TGM1: variants seen among roughly 807,000 people sequenced by gnomAD.
TGM1 encodes protein-glutamine gamma-glutamyltransferase K.
TGM1 carries 63 observed loss-of-function variants against 88.7 expected under a neutral mutation model. That is an observed-to-expected ratio of 0.71 (90% CI 0.58 to 0.88). The LOEUF is 0.88. Ranked by LOEUF, TGM1 falls within the 40% of genes least tolerant of loss-of-function variation. The pLI, the probability that TGM1 is intolerant of heterozygous loss-of-function variation, is 0.00. For synonymous variants in TGM1, 415 were observed against 431.1 expected, an observed-to-expected ratio of 0.96 and a Z score of 0.46; for missense variants, 996 against 1,118.0, an observed-to-expected ratio of 0.89 and a Z score of 1.56.
At chr14:24,254,939 T>A in intron 12 of TGM1, 33 bp downstream of exon 12, 2 of 1,613,292 alleles carry the variant, frequency 1.2e-6, no homozygotes, top group Non-Finnish European at 1.7e-6. Flanking sequence ...TGCCCAGCCA[T>A]CCAGGGGGCA....
At position 24,258,808 on chromosome 14, in the gene TGM1, G is replaced by A. The variant is rs796433078; in HGVS notation, c.1160-135C>T. 29 of 1,351,828 alleles carry A rather than the reference G, an allele frequency of 2.1e-5. No homozygotes were observed. The African/African-American group carries it at 2.9e-4, about 13-fold the overall frequency. 83.7% of individuals were successfully genotyped at this position (1,351,828 alleles called of 1,614,324 possible). A position where few individuals can be genotyped will look rare whatever the true frequency, so the allele number is the denominator to read the frequency against. ...GACTGCCAGGGTCAGGGCCACGGGG[G>A]CCACAAGGCCTTTGGGCTACAGAGC... On this transcript the variant is annotated intron_variant, in intron 7 of 14. Coordinates refer to ENST00000206765, the MANE Select transcript of TGM1 (RefSeq NM_000359.3).
At chr14:24,254,320 A>T (rs1016437253) in intron 13 of TGM1, 32 bp from the exon 14 acceptor site, 8 of 1,613,748 alleles carry the variant, frequency 5.0e-6, no homozygotes, top group Non-Finnish European at 5.9e-6. Context: ...CCCCCACGTC[A>T]GAGACCCTGG....
intron 13 of TGM1, 106 bp from the exon 14 acceptor site, chr14:24,254,394 C>G: frequency 1.3e-6 from 2 of 1,530,072 alleles, no homozygotes; most frequent in East Asian, 2.3e-5. Flanking sequence ...AAAACCTCCC[C>G]GAGTCCCACA....
chr14:24,254,549 T>A (rs1446187214), intron 13 of TGM1, 115 bp downstream of exon 13: 2 of 1,533,400 alleles, frequency 1.3e-6, no homozygotes, highest in Admixed American at 1.8e-5. Context: ...CTTGACCTTC[T>A]CCTACAAAGG....
intron 7 of TGM1, 63 bp from the exon 8 acceptor site, chr14:24,258,736 G>T (rs1594570742): frequency 6.2e-7 from 1 of 1,602,322 alleles, no homozygotes; most frequent in South Asian, 1.1e-5. Context: ...CATCGTGTCA[G>T]GAGTATCAGG....
chr14:24,260,160 G>A (rs1358976857), intron 4 of TGM1, 102 bp from the exon 5 acceptor site: 2 of 1,136,312 alleles, frequency 1.8e-6, no homozygotes, highest in African/African-American at 3.0e-5. Context: ...AGAAGAAAAT[G>A]CGGGGATGCC....
Position 24,254,961 on chromosome 14 carries a change from G to A in TGM1, c.1927+11C>T. 6.2e-7 allele frequency: 1 copy of A among 1,613,596 alleles called. No homozygotes were observed. Among genetic ancestry groups the A allele is most frequent in the Non-Finnish European group, 8.5e-7 (1 of 1,179,996 alleles). On this transcript the variant is annotated intron_variant, in intron 12 of 14. Transcript: ENST00000206765. The stretch of plus-strand genomic sequence containing the variant: ...CCATCCAGGGGGCAGGGCTGGGTAA[G>A]GAGCACTTACAGGCCCCTGGTGCCA...
intron 1 of TGM1, among the ~76,000 whole-genome samples, 160 bp from the exon 2 acceptor site, chr14:24,262,514 G>C (rs2040823163): frequency 6.6e-6 from 1 of 152,236 alleles, no homozygotes; most frequent in Non-Finnish European, 1.5e-5. Context: ...CTTCCGCGAA[G>C]ACCATTCAGA....
intron 9 of TGM1, 57 bp from the exon 10 acceptor site, chr14:24,256,134 A>G: frequency 7.0e-7 from 1 of 1,433,492 alleles, no homozygotes; most frequent in Non-Finnish European, 9.6e-7. Flanking sequence ...AGGGCTCTTC[A>G]GACCCTGGGT....
rs2040774560 is a variant in TGM1 at position 24,258,311 on chromosome 14, T to A, written c.1376A>T (p.Asp459Val). 1.2e-6 allele frequency: 2 copies of A among 1,613,630 alleles called. No homozygotes were observed. The part of the protein sequence containing the change: ...PSGFDGWQVV[D>V]ATPQETSSGI... Reference sequence around the variant, plus strand: ...ACTGCTAGTCTCTTGGGGTGTGGCATCCACCACCTGCCACCCATCAAAGCC... The same window carrying A: ...ACTGCTAGTCTCTTGGGGTGTGGCAACCACCACCTGCCACCCATCAAAGCC... Residue 459 changes from aspartate (D) to valine (V), a missense_variant, in exon 9 of 15, where the codon GAT (aspartate) becomes GTT (valine). Physicochemically the swap from Asp to Val is radical, Grantham distance 152. Transcript: ENST00000206765.
intron 9 of TGM1, 51 bp from the exon 10 acceptor site, chr14:24,256,128 C>A (rs541227059): frequency 1.1e-5 from 16 of 1,455,966 alleles, no homozygotes; most frequent in Non-Finnish European, 1.5e-5. Context: ...GCGGAGAGGG[C>A]TCTTCAGACC....
intron 3 of TGM1, 42 bp from the exon 4 acceptor site, chr14:24,260,740 A>T: frequency 6.2e-7 from 1 of 1,613,620 alleles, no homozygotes; most frequent in Non-Finnish European, 8.5e-7. Context: ...GGCCTCCCTG[A>T]GGAGAGGGGA....
chr14:24,258,115 T>C (rs1369999569), intron 9 of TGM1, among the ~76,000 whole-genome samples, 170 bp downstream of exon 9: 2 of 152,258 alleles, frequency 1.3e-5, no homozygotes, highest in African/African-American at 2.4e-5. Context: ...TATAGAATGG[T>C]AAAAATAAAC....
In TGM1 at chr14:24,260,667, G is replaced by C; in HGVS notation, c.540C>G (p.His180Gln). 6.2e-7 allele frequency: 1 copy of C among 1,614,092 alleles called. No homozygotes were observed. The highest frequency in any genetic ancestry group is 8.5e-7 in the Non-Finnish European group (1 of 1,180,016). Residue 180 changes from histidine to glutamine, a missense_variant, in exon 4 of 15, where the codon CAC (histidine) becomes CAG (glutamine). Physicochemically the swap from His to Gln is conservative, Grantham distance 24 (BLOSUM62 0). Transcript: ENST00000206765. ...CCCCCTTGCCCACTGGGATGATCACGTGCGTGCCCTTGCCCACCTCGGGGT... is the reference window on the plus strand; with the variant it reads ...CCCCCTTGCCCACTGGGATGATCACCTGCGTGCCCTTGCCCACCTCGGGGT... The part of the protein sequence containing the change: ...GNNPEVGKGT[H>Q]VIIPVGKGGS...
At position 24,262,169 on chromosome 14, in the gene TGM1, C is replaced by T; in HGVS notation, c.184G>A (p.Gly62Arg). 2 of 1,613,726 alleles carry T rather than the reference C, an allele frequency of 1.2e-6. No individual in the cohort carries two copies. The highest frequency in any genetic ancestry group is 1.7e-6 in the Non-Finnish European group (2 of 1,180,034). Residue 62 changes from glycine (G) to arginine (R), a missense_variant, in exon 2 of 15, where the codon GGA becomes AGA. Transcript: ENST00000206765. ...SCRNAADDDWGPEPSDSRGRG... is the reference protein window; with the variant it reads ...SCRNAADDDWRPEPSDSRGRG... Reference sequence around the variant, plus strand: ...CCCCTGGAGTCAGAGGGTTCAGGTCCCCAGTCGTCATCTGCCGCATTTCGG... The same window carrying T: ...CCCCTGGAGTCAGAGGGTTCAGGTCTCCAGTCGTCATCTGCCGCATTTCGG...
rs41293812 is a variant in TGM1, at chr14:24,255,923, C to T, written c.1491+66G>A. 5.8e-5 allele frequency: 77 copies of T among 1,325,484 alleles called. No individual in the cohort carries two copies. Among genetic ancestry groups the T allele is most frequent in the Middle Eastern group, 3.6e-4 (2 of 5,518 alleles). 82.1% of individuals were successfully genotyped at this position (1,325,484 alleles called of 1,614,324 possible). A position where few individuals can be genotyped will look rare whatever the true frequency, so the allele number is the denominator to read the frequency against. On this transcript the variant is annotated intron_variant, in intron 10 of 14. Transcript: ENST00000206765. The surrounding 1 kb of genome is among the most constrained non-coding windows in gnomAD (Gnocchi z 4.0). ...CCGGGTCGCAGAGCTGGTCAGTCAGCGGTGAAGTTGGGACCAGAGAACCCA... is the reference window on the plus strand; with the variant it reads ...CCGGGTCGCAGAGCTGGTCAGTCAGTGGTGAAGTTGGGACCAGAGAACCCA...
At chr14:24,262,858 T>C (rs952558394) in intron 1 of TGM1, among the ~76,000 whole-genome samples, 1 of 152,218 alleles carries the variant, frequency 6.6e-6, no homozygotes, top group Non-Finnish European at 1.5e-5. Context: ...CTGTGGTCCT[T>C]GGCATTCCCA....
At position 24,258,590 on chromosome 14, in the gene TGM1, T is replaced by C. The variant is rs780550366; in HGVS notation, c.1243A>G (p.Ile415Val). The change falls in exon 8 of 15, where the codon ATC (isoleucine) becomes GTC (valine). Residue 415 changes from isoleucine to valine, a missense_variant. Ile to Val is a conservative substitution (Grantham distance 29). Transcript: ENST00000206765. Reference sequence around the variant, plus strand: ...GGCTTCATGTTCTCGTCGAAGTAGATGTCCATGGTAAGGGATGTGTCTGTG... The same window carrying C: ...GGCTTCATGTTCTCGTCGAAGTAGACGTCCATGGTAAGGGATGTGTCTGTG... ...HDTDTSLTMD[I>V]YFDENMKPLE... 62 of 1,614,068 alleles carry C rather than the reference T, an allele frequency of 3.8e-5. No individual in the cohort carries two copies. The highest frequency in any genetic ancestry group is 6.7e-5 in the African/African-American group (5 of 74,924).
chr14:24,258,318 C>T lies in TGM1; in HGVS notation c.1369G>A (p.Val457Met). ...GTCTCTTGGGGTGTGGCATCCACCA[C>T]CTGCCACCCATCAAAGCCCGAGGGC... ...DLPSGFDGWQVVDATPQETSS... is the reference protein window; with the variant it reads ...DLPSGFDGWQMVDATPQETSS... The change falls in exon 9 of 15, where the codon GTG (valine) becomes ATG (methionine). Residue 457 changes from valine (V) to methionine (M), a missense_variant. Physicochemically the swap from Val to Met is conservative, Grantham distance 21 (BLOSUM62 1). Coordinates refer to ENST00000206765, the MANE Select transcript of TGM1 (RefSeq NM_000359.3). 6.2e-7 allele frequency: 1 copy of T among 1,613,954 alleles called. No individual in the cohort carries two copies. The highest frequency in any genetic ancestry group is 8.5e-7 in the Non-Finnish European group (1 of 1,179,940).
Sources: gnomAD v4.1 joint callset for allele counts (sites outside exome capture counted in the v4.1 genomes callset) on GRCh38, gnomAD v4.1.1 for gene constraint, Gnocchi (gnomAD v3.1) non-coding constraint, MANE v1.5 for transcripts, NCBI Gene and HGNC (gene_info 2026-07-23, HGNC 2026-07-21) for gene names.